RP1: variants seen among roughly 807,000 people sequenced by gnomAD.
The protein encoded by RP1 is RP1 axonemal microtubule associated.
A neutral mutation model predicts 14.8 loss-of-function variants in RP1; 16 were observed. The observed-to-expected ratio is 1.08, with a 90% CI of 0.73 to 1.65. RP1 has a LOEUF of 1.65. Among genes scored for constraint, RP1 ranks in the 40% most tolerant of loss-of-function variants. The probability of loss-of-function intolerance (pLI) is 0.00; values close to 1 mark genes in which losing one functional copy is unlikely to be tolerated. For synonymous variants in RP1, 876 were observed against 883.6 expected, an observed-to-expected ratio of 0.99 and a Z score of 0.15; for missense variants, 2,631 against 2,535.0, an observed-to-expected ratio of 1.04 and a Z score of -0.81.
intron 24 of RP1, among the ~76,000 whole-genome samples, chr8:54,833,117 T>G (rs1367996573): frequency 1.3e-5 from 2 of 152,014 alleles, no homozygotes; most frequent in African/African-American, 2.4e-5. Flanking sequence ...TGCAGATTTG[T>G]ATCACCTACT....
intron 19 of RP1, among the ~76,000 whole-genome samples, chr8:54,740,747 GA>G (rs533989745): frequency 5.3e-5 from 8 of 150,636 alleles, no homozygotes; most frequent in Non-Finnish European, 1.2e-4. Flanking sequence ...AAAATAAGTA[GA>G]AAAAAAGCTT....
intron 7 of RP1, among the ~76,000 whole-genome samples, chr8:54,668,996 G>A (rs935672050): frequency 1.3e-5 from 2 of 152,132 alleles, no homozygotes; most frequent in South Asian, 2.1e-4. Context: ...AAACAGAAAA[G>A]CAATGATAAC....
chr8:54,760,528 A>G (rs761838856), intron 22 of RP1, among the ~76,000 whole-genome samples: 62 of 152,216 alleles, frequency 4.1e-4, no homozygotes, highest in Admixed American at 8.5e-4. Flanking sequence ...TAAAAGCTAT[A>G]TTTTAATCAC....
At chr8:54,814,328 G>T (rs1489229671) in intron 24 of RP1, among the ~76,000 whole-genome samples, 1 of 152,096 alleles carries the variant, frequency 6.6e-6, no homozygotes, top group African/African-American at 2.4e-5. Flanking sequence ...GTGGATATCT[G>T]CAGAGAATGA....
intron 1 of RP1, among the ~76,000 whole-genome samples, chr8:54,617,034 T>A (rs1050617117): frequency 6.6e-6 from 1 of 152,226 alleles, no homozygotes; most frequent in African/African-American, 2.4e-5. Flanking sequence ...ATAGCTCCAT[T>A]GTCTAACTTT....
At chr8:54,827,352 G>T (rs1271235877) in intron 24 of RP1, among the ~76,000 whole-genome samples, 1 of 147,578 alleles carries the variant, frequency 6.8e-6, no homozygotes, top group Non-Finnish European at 1.5e-5. Context: ...TTTTAGACAA[G>T]ATTTCACTCT....
intron 19 of RP1, among the ~76,000 whole-genome samples, chr8:54,742,028 C>T (rs1455205672): frequency 1.3e-5 from 2 of 151,626 alleles, no homozygotes; most frequent in African/African-American, 4.8e-5. Context: ...GCCTGAGGTT[C>T]CTCAGTAAAT....
intron 24 of RP1, among the ~76,000 whole-genome samples, chr8:54,810,419 T>C (rs996873040): frequency 6.6e-6 from 1 of 152,212 alleles, no homozygotes; most frequent in African/African-American, 2.4e-5. Context: ...ACTCTATCTT[T>C]TGCTTCTTGC....
intron 22 of RP1, among the ~76,000 whole-genome samples, chr8:54,768,061 A>G (rs1420941301): frequency 6.6e-6 from 1 of 152,144 alleles, no homozygotes; most frequent in Non-Finnish European, 1.5e-5. Context: ...GTTCCTTGAC[A>G]TTGTCAGATC....
chr8:54,743,548 T>A (rs1376785641), intron 19 of RP1, among the ~76,000 whole-genome samples: 1 of 152,208 alleles, frequency 6.6e-6, no homozygotes, highest in Non-Finnish European at 1.5e-5. Flanking sequence ...GATTCTTACT[T>A]TATTTGATGG....
intron 6 of RP1, chr8:54,663,669 C>A: frequency 6.7e-7 from 1 of 1,501,630 alleles, no homozygotes. Flanking sequence ...TACTGCTTGG[C>A]ACTGAAAGTT....
At chr8:54,856,966 A>AT (rs1390480549) in intron 26 of RP1, 65 of 476,110 alleles carry the variant, frequency 1.4e-4, no homozygotes, top group South Asian at 4.3e-4. Flanking sequence ...TAGTAATACT[A>AT]TTTTTTTTCT....
At chr8:54,678,292 T>C (rs186962981) in intron 8 of RP1, among the ~76,000 whole-genome samples, 56 of 152,344 alleles carry the variant, frequency 3.7e-4, no homozygotes, top group Admixed American at 5.9e-4. Flanking sequence ...AAGAAATACA[T>C]TCCTTACAGT....
chr8:54,775,476 A>G (rs910793848), intron 23 of RP1, among the ~76,000 whole-genome samples: 3 of 152,156 alleles, frequency 2.0e-5, no homozygotes, highest in African/African-American at 7.2e-5. Flanking sequence ...CCTGGACCTT[A>G]TAGAGAAGTC....
intron 7 of RP1, among the ~76,000 whole-genome samples, chr8:54,669,558 C>T (rs1347906178): frequency 1.3e-5 from 2 of 152,144 alleles, no homozygotes; most frequent in African/African-American, 2.4e-5. Flanking sequence ...AATCATGCTG[C>T]TATAAAGACA....
At chr8:54,797,899 A>G (rs1303583734) in intron 24 of RP1, among the ~76,000 whole-genome samples, 2 of 119,890 alleles carry the variant, frequency 1.7e-5, no homozygotes, top group African/African-American at 3.3e-5. Flanking sequence ...TTTTTTAACC[A>G]TAAGCCTATG....
intron 19 of RP1, among the ~76,000 whole-genome samples, chr8:54,743,183 C>T (rs1046593665): frequency 2.6e-5 from 4 of 152,114 alleles, no homozygotes; most frequent in Non-Finnish European, 5.9e-5. Context: ...CTCAGATTCC[C>T]AGTTGTTAAG....
intron 24 of RP1, among the ~76,000 whole-genome samples, chr8:54,826,557 G>A (rs1811389095): frequency 1.3e-5 from 2 of 152,146 alleles, no homozygotes; most frequent in South Asian, 4.2e-4. Flanking sequence ...AGTTGCTTAA[G>A]TATTACAGCA....
At chr8:54,726,142 G>C (rs1808649181) in intron 16 of RP1, among the ~76,000 whole-genome samples, 1 of 152,068 alleles carries the variant, frequency 6.6e-6, no homozygotes, top group Non-Finnish European at 1.5e-5. Context: ...GGTTTTATAG[G>C]GATGCCACCC....
Sources: gnomAD v4.1 joint callset for allele counts (sites outside exome capture counted in the v4.1 genomes callset) on GRCh38, gnomAD v4.1.1 for gene constraint, MANE v1.5 for transcripts, NCBI Gene and HGNC (gene_info 2026-07-23, HGNC 2026-07-21) for gene names.